WWTR1: variants seen among roughly 807,000 people sequenced by gnomAD.
WWTR1 encodes the protein WW domain containing transcription regulator 1, also known as WW domain-containing transcription regulator protein 1.
In WWTR1, 13 loss-of-function variants were observed where a neutral mutation model predicts 40.1. The ratio of observed to expected loss-of-function variants is 0.32; its 90% confidence interval spans 0.21 to 0.52. The LOEUF (loss-of-function observed/expected upper bound fraction) is 0.52. Among genes scored for constraint, WWTR1 ranks in the 20% least tolerant of loss-of-function variants. The pLI is 0.97. For synonymous variants in WWTR1, 230 were observed against 210.1 expected (o/e 1.09, Z -0.82); for missense variants, 436 against 523.1 (o/e 0.83, Z 1.63).
At chr3:149,671,396 C>T (rs1220101825) in intron 1 of WWTR1, among the ~76,000 whole-genome samples, 1 of 152,130 alleles carries the variant, frequency 6.6e-6, no homozygotes, top group Non-Finnish European at 1.5e-5. Flanking sequence ...AGGGAATCTA[C>T]GAAGCTTTCA....
At chr3:149,659,566 T>TCAGGTGATCCGCCCACC, upstream of WWTR1, 2 of 151,878 alleles carry the variant, frequency 1.3e-5, no homozygotes, top group South Asian at 4.1e-4. Flanking sequence ...AAATCCTGAC[T>TCAGGTGATCCGCCCACC]TCAGGTGATC....
intron 2 of WWTR1, among the ~76,000 whole-genome samples, chr3:149,633,726 T>C (rs1234538956): frequency 1.3e-5 from 2 of 152,030 alleles, no homozygotes; most frequent in Non-Finnish European, 2.9e-5. Flanking sequence ...AGGAAATCCA[T>C]GGCAGAATGA....
At chr3:149,710,778 C>T (rs533707400) in intron 5 of WWTR1, among the ~76,000 whole-genome samples, 10 of 151,906 alleles carry the variant, frequency 6.6e-5, no homozygotes, top group African/African-American at 2.2e-4. Context: ...CGGGGTTTCA[C>T]CTGTTGGTCA....
chr3:149,651,177 TC>T lies in WWTR1; in HGVS notation c.431+5698del, dbSNP rs746652009. On this transcript the variant is annotated intron_variant, in intron 2 of 6. Coordinates refer to ENST00000360632, the MANE Select transcript of WWTR1 (RefSeq NM_015472.6). ...TTATGAAAACAGCTACATTATACTGTCATTCAAAGATAAACAGAAAAAACAA... is the reference window on the plus strand; with the variant it reads ...TTATGAAAACAGCTACATTATACTGTATTCAAAGATAAACAGAAAAAACAA... Among the ~76,000 whole-genome samples the T allele has an allele frequency of 3.8e-3, 577 of 152,298 alleles. 2 individuals are homozygous for T. Among genetic ancestry groups the T allele is most frequent in the Non-Finnish European group, 6.2e-3 (424 of 68,018 alleles).
chr3:149,590,871 C>G (rs1433738039), intron 2 of WWTR1, among the ~76,000 whole-genome samples: 1 of 152,166 alleles, frequency 6.6e-6, no homozygotes, highest in Non-Finnish European at 1.5e-5. Context: ...GATAGCCTGA[C>G]TTTGTCCTGG....
At chr3:149,652,247 A>T (rs1189616576) in intron 2 of WWTR1, among the ~76,000 whole-genome samples, 1 of 151,942 alleles carries the variant, frequency 6.6e-6, no homozygotes, top group Non-Finnish European at 1.5e-5. Flanking sequence ...TGTGGAAAGC[A>T]ACATTGTCAA....
intron 2 of WWTR1, among the ~76,000 whole-genome samples, chr3:149,639,789 C>T (rs767488520): frequency 1.3e-5 from 2 of 151,784 alleles, no homozygotes; most frequent in South Asian, 2.1e-4. Context: ...GTCAGGAGAT[C>T]GAGACCATCC....
chr3:149,535,709 TAA>T (rs35300491), intron 4 of WWTR1, among the ~76,000 whole-genome samples: 21 of 143,472 alleles, frequency 1.5e-4, no homozygotes, highest in Non-Finnish European at 1.5e-4. Context: ...TGTCTTCACT[TAA>T]AAAAAAAAAA....
chr3:149,550,640 G>A (rs1392896806), intron 3 of WWTR1, among the ~76,000 whole-genome samples: 1 of 152,220 alleles, frequency 6.6e-6, no homozygotes, highest in Non-Finnish European at 1.5e-5. Context: ...AGGGAAAAAA[G>A]CGGACAGGGA....
chr3:149,678,378 C>T (rs909618498), intron 1 of WWTR1, among the ~76,000 whole-genome samples: 2 of 152,206 alleles, frequency 1.3e-5, no homozygotes, highest in Non-Finnish European at 2.9e-5. Flanking sequence ...AGCCTCCCTT[C>T]ATCTGGAACA....
intron 3 of WWTR1, among the ~76,000 whole-genome samples, chr3:149,554,696 C>A (rs1736746353): frequency 7.8e-6 from 1 of 128,342 alleles, no homozygotes; most frequent in African/African-American, 3.3e-5. Flanking sequence ...TCTTCTGGAT[C>A]CTTTTTCCTG....
chr3:149,529,564 GA>G (rs147965246), intron 4 of WWTR1, among the ~76,000 whole-genome samples: 3,598 of 152,256 alleles, frequency 0.024, 143 homozygotes, highest in African/African-American at 0.083. Context: ...AAAAACTGGA[GA>G]TTTTTTTGGT....
At chr3:149,640,949 A>G (rs556997215) in intron 2 of WWTR1, among the ~76,000 whole-genome samples, 2 of 152,314 alleles carry the variant, frequency 1.3e-5, no homozygotes, top group South Asian at 4.2e-4. Flanking sequence ...CAGAGCCAAA[A>G]TTATTTTACG....
chr3:149,570,569 AAATAATAATAAT>A (rs71135699), intron 3 of WWTR1, among the ~76,000 whole-genome samples: 65 of 146,512 alleles, frequency 4.4e-4, no homozygotes, highest in African/African-American at 9.7e-4. Context: ...CTCTTTCTCA[AAATAATAATAAT>A]AATAATAATA....
intron 2 of WWTR1, among the ~76,000 whole-genome samples, chr3:149,622,489 G>A (rs1560089643): frequency 3.4e-4 from 46 of 135,064 alleles, no homozygotes; most frequent in African/African-American, 1.3e-3. Context: ...AAGGAAGGAA[G>A]GAAGGAAGGA....
intron 3 of WWTR1, among the ~76,000 whole-genome samples, chr3:149,555,758 T>TC (rs1197141601): frequency 6.6e-6 from 1 of 152,154 alleles, no homozygotes; most frequent in African/African-American, 2.4e-5. Context: ...GCTATTCATT[T>TC]CCCCTGTTTC....
chr3:149,575,850 T>C (rs1158943549), intron 2 of WWTR1, among the ~76,000 whole-genome samples: 3 of 152,034 alleles, frequency 2.0e-5, no homozygotes, highest in Non-Finnish European at 4.4e-5. Flanking sequence ...TGGGACAGAG[T>C]GTGGGGCCTT....
intron 1 of WWTR1, among the ~76,000 whole-genome samples, chr3:149,676,664 ATG>A (rs1420580774): frequency 0.011 from 1,695 of 152,276 alleles, 30 homozygotes; most frequent in African/African-American, 0.039. Context: ...TAATTTGCCC[ATG>A]CGCACAGTTA....
At chr3:149,706,666 T>C (rs950387195), upstream of WWTR1, among the ~76,000 whole-genome samples, 2 of 152,136 alleles carry the variant, frequency 1.3e-5, no homozygotes, top group Non-Finnish European at 2.9e-5. Flanking sequence ...CAGAACTCTA[T>C]TTTATATCCT....
Sources: gnomAD v4.1 joint callset for allele counts (sites outside exome capture counted in the v4.1 genomes callset) on GRCh38, gnomAD v4.1.1 for gene constraint, MANE v1.5 for transcripts, NCBI Gene and HGNC (gene_info 2026-07-23, HGNC 2026-07-21) for gene names.